The following PARD3 variants were observed in gnomAD, a reference collection of about 807,000 sequenced individuals.
PARD3 encodes the protein par-3 family cell polarity regulator.
PARD3 carries 75 observed loss-of-function variants against 155.4 expected under a neutral mutation model. The observed-to-expected ratio is 0.48, with a 90% CI of 0.40 to 0.58. The LOEUF is 0.58. Among genes scored for constraint, PARD3 ranks in the 20% least tolerant of loss-of-function variants. The pLI is 0.00. For missense variants in PARD3, 1,642 were observed against 1,721.7 expected (o/e 0.95, Z 0.82); for synonymous variants, 576 against 610.5 (o/e 0.94, Z 0.83).
intron 22 of PARD3, among the ~76,000 whole-genome samples, chr10:34,138,293 C>T (rs1264832805): frequency 6.6e-6 from 1 of 152,202 alleles, no homozygotes; most frequent in East Asian, 1.9e-4. Context: ...ATCAAATGTG[C>T]TTTCCAGTGA....
At chr10:34,790,112 T>C (rs1841459639) in intron 1 of PARD3, among the ~76,000 whole-genome samples, 1 of 152,184 alleles carries the variant, frequency 6.6e-6, no homozygotes, top group African/African-American at 2.4e-5. Context: ...AATTGCCTCA[T>C]TTATTAAAGA....
At chr10:34,771,428 G>A (rs1838846607) in intron 1 of PARD3, among the ~76,000 whole-genome samples, 1 of 152,228 alleles carries the variant, frequency 6.6e-6, no homozygotes, top group Non-Finnish European at 1.5e-5. Flanking sequence ...CACATGGGGA[G>A]CAAAGAGTGA....
chr10:34,450,486 C>T (rs976628550), intron 4 of PARD3, 38 bp from the exon 5 acceptor site: 12 of 1,585,338 alleles, frequency 7.6e-6, no homozygotes, highest in South Asian at 3.5e-5. Flanking sequence ...TTGTAAAAAA[C>T]CAGACCTTGC....
intron 22 of PARD3, among the ~76,000 whole-genome samples, chr10:34,229,755 C>T (rs1952820901): frequency 1.3e-5 from 2 of 151,842 alleles, no homozygotes; most frequent in African/African-American, 4.9e-5. Flanking sequence ...TTTCAGTACA[C>T]CTAATCAATT....
intron 1 of PARD3, among the ~76,000 whole-genome samples, chr10:34,787,281 A>G (rs976621646): frequency 4.6e-5 from 7 of 152,184 alleles, no homozygotes; most frequent in Admixed American, 2.0e-4. Context: ...CAGGAGGCTG[A>G]GGCAGGAGAA....
intron 2 of PARD3, among the ~76,000 whole-genome samples, chr10:34,530,163 G>T (rs1047447422): frequency 3.9e-5 from 6 of 152,158 alleles, no homozygotes; most frequent in African/African-American, 1.4e-4. Context: ...AGAAGAAGTG[G>T]AGAAGGTGGA....
At chr10:34,404,301 C>A (rs1291259822) in intron 5 of PARD3, among the ~76,000 whole-genome samples, 5 of 152,168 alleles carry the variant, frequency 3.3e-5, no homozygotes, top group Admixed American at 3.3e-4. Context: ...TTAGCAAGAA[C>A]TATACACTGA....
chr10:34,303,068 T>TAAA (rs1564564311), intron 20 of PARD3, among the ~76,000 whole-genome samples: 1 of 47,438 alleles, frequency 2.1e-5, no homozygotes, highest in African/African-American at 1.1e-4. Flanking sequence ...AAACCAAGTT[T>TAAA]TAAAAAAAAA....
intron 22 of PARD3, among the ~76,000 whole-genome samples, chr10:34,132,350 C>T (rs971831317): frequency 9.4e-6 from 1 of 106,502 alleles, no homozygotes; most frequent in African/African-American, 3.7e-5. Context: ...CACACGTTTA[C>T]AAATGTAGTA....
At chr10:34,141,968 T>C (rs1034506002) in intron 22 of PARD3, among the ~76,000 whole-genome samples, 1 of 152,196 alleles carries the variant, frequency 6.6e-6, no homozygotes, top group African/African-American at 2.4e-5. Context: ...AGCAAGTTTT[T>C]AAAAATTATC....
chr10:34,674,986 CTA>C (rs1397615097), intron 2 of PARD3, among the ~76,000 whole-genome samples: 1 of 152,188 alleles, frequency 6.6e-6, no homozygotes, highest in Non-Finnish European at 1.5e-5. Context: ...TTATAAATCT[CTA>C]GATTGCTTAA....
At position 34,770,575 on chromosome 10, in the gene PARD3, T is replaced by C. The variant is rs116977574; in HGVS notation, c.120+44301A>G. The stretch of plus-strand genomic sequence containing the variant: ...AGGAAACTCTTGCGCTGGACCTGCA[T>C]TCTGAGAAAATCAAGGTGTCCCGGC... On this transcript the variant is annotated intron_variant, in intron 1 of 24. Transcript: ENST00000374788. 7.7e-4 allele frequency among the ~76,000 whole-genome samples: 117 copies of C among 152,260 alleles called. 1 individual carries two copies. The East Asian group carries it at 0.018, about 23-fold the overall frequency.
At chr10:34,617,666 G>T (rs867454457) in intron 2 of PARD3, among the ~76,000 whole-genome samples, 2 of 152,068 alleles carry the variant, frequency 1.3e-5, no homozygotes, top group Middle Eastern at 3.4e-3. Flanking sequence ...ACAGTATTTG[G>T]TCCACAAGAC....
chr10:34,622,233 A>G (rs539124654), intron 2 of PARD3, among the ~76,000 whole-genome samples: 2 of 152,366 alleles, frequency 1.3e-5, no homozygotes, highest in South Asian at 2.1e-4. Context: ...ACATAAGTCC[A>G]AGATCATCAT....
chr10:34,527,322 G>A (rs2082553513), intron 2 of PARD3, among the ~76,000 whole-genome samples: 1 of 152,104 alleles, frequency 6.6e-6, no homozygotes, highest in Non-Finnish European at 1.5e-5. Flanking sequence ...TTTGTATAGG[G>A]GACTCACTTG....
intron 12 of PARD3, among the ~76,000 whole-genome samples, chr10:34,365,976 T>C (rs1839931802): frequency 6.6e-6 from 1 of 152,250 alleles, no homozygotes; most frequent in Admixed American, 6.5e-5. Flanking sequence ...ATGATGATAC[T>C]GAAGTCACAG....
intron 3 of PARD3, among the ~76,000 whole-genome samples, chr10:34,496,366 C>G (rs1481668912): frequency 6.6e-6 from 1 of 152,092 alleles, no homozygotes; most frequent in Non-Finnish European, 1.5e-5. Flanking sequence ...GAAATATTCC[C>G]CTACTAAATA....
chr10:34,236,131 T>C (rs1309751694), intron 22 of PARD3, among the ~76,000 whole-genome samples: 1 of 152,178 alleles, frequency 6.6e-6, no homozygotes, highest in Admixed American at 6.5e-5. Context: ...GTGACGGCTA[T>C]AATATGGGTA....
intron 23 of PARD3, among the ~76,000 whole-genome samples, chr10:34,124,961 G>A (rs1324447460): frequency 2.0e-5 from 3 of 152,162 alleles, no homozygotes; most frequent in Non-Finnish European, 4.4e-5. Context: ...TTTGGCTGAG[G>A]GACAGGTCAC....
Sources: allele counts gnomAD v4.1 joint callset (sites outside exome capture counted in the v4.1 genomes callset), GRCh38; gene constraint gnomAD v4.1.1; transcripts MANE v1.5; gene names NCBI Gene and HGNC (gene_info 2026-07-23, HGNC 2026-07-21).